DST: variants seen among roughly 807,000 people sequenced by gnomAD.
The protein encoded by DST is dystonin.
A neutral mutation model predicts 875.2 loss-of-function variants in DST; 253 were observed. The observed-to-expected ratio is 0.29, with a 90% confidence interval of 0.26 to 0.32. The LOEUF (loss-of-function observed/expected upper bound fraction) is 0.32. DST is among the 10% of genes least tolerant of loss of function. The probability of loss-of-function intolerance (pLI) is 1.00; values close to 1 mark genes in which losing one functional copy is unlikely to be tolerated. For synonymous variants in DST, 3,124 were observed against 3,197.1 expected (o/e 0.98, Z 0.77); for missense variants, 8,287 against 9,111.6 (o/e 0.91, Z 3.68).
At chr6:56,491,033 C>T (rs1051845910) in intron 85 of DST, among the ~76,000 whole-genome samples, 2 of 152,180 alleles carry the variant, frequency 1.3e-5, no homozygotes, top group African/African-American at 4.8e-5. Flanking sequence ...GCCGGCACTA[C>T]ACATGTTATT....
At chr6:56,814,096 A>G (rs999740041) in intron 4 of DST, among the ~76,000 whole-genome samples, 3 of 152,190 alleles carry the variant, frequency 2.0e-5, no homozygotes, top group Non-Finnish European at 4.4e-5. Context: ...AATAAAAACA[A>G]GAAAGCAGTA....
intron 90 of DST, 66 bp downstream of exon 90, chr6:56,481,984 C>A: frequency 6.6e-7 from 1 of 1,516,184 alleles, no homozygotes; most frequent in African/African-American, 1.4e-5. Context: ...TATTTGTAAT[C>A]CCGAGTCTAT....
At chr6:56,528,995 CAG>C in intron 66 of DST, 70 bp from the exon 67 acceptor site, 1 of 958,454 alleles carries the variant, frequency 1.0e-6, no homozygotes, top group Non-Finnish European at 1.6e-6. Flanking sequence ...TAGTTAATCT[CAG>C]AGAACTTTAA....
At chr6:56,916,778 T>TCTCTCTCTCTCTCACACACACA (rs1470233953) in intron 2 of DST, among the ~76,000 whole-genome samples, 2 of 91,352 alleles carry the variant, frequency 2.2e-5, no homozygotes, top group African/African-American at 1.0e-4. Context: ...TCTCTCTCTC[T>TCTCTCTCTCTCTCACACACACA]CACACACACA....
At chr6:56,921,062 A>C (rs919149995) in intron 2 of DST, among the ~76,000 whole-genome samples, 3 of 151,892 alleles carry the variant, frequency 2.0e-5, no homozygotes, top group Non-Finnish European at 4.4e-5. Context: ...GACATTTTTA[A>C]ACAAATAAAT....
intron 39 of DST, 58 bp from the exon 40 acceptor site, chr6:56,609,402 T>G: frequency 8.1e-7 from 1 of 1,240,840 alleles, no homozygotes; most frequent in Non-Finnish European, 1.1e-6. Context: ...GGGCGGAGTT[T>G]CATGCAACTT....
In DST at chr6:56,493,101, G is replaced by C; in HGVS notation, c.20395-12C>G. On this transcript the variant is annotated splice_polypyrimidine_tract_variant and intron_variant, in intron 83 of 103. Transcript: ENST00000680361. ...TCTTCCAGTTTAGTCTGCAAGGACA[G>C]ATTGTTTAGTATGTGATGTTTAAGG... 1 of 1,605,088 alleles carries C rather than the reference G, an allele frequency of 6.2e-7. No individual in the cohort carries two copies. The highest frequency in any genetic ancestry group is 8.5e-7 in the Non-Finnish European group (1 of 1,175,216).
At chr6:56,751,153 C>T (rs959513687) in intron 4 of DST, among the ~76,000 whole-genome samples, 3 of 152,064 alleles carry the variant, frequency 2.0e-5, no homozygotes, top group Non-Finnish European at 4.4e-5. Context: ...GCAAGTCATG[C>T]CTGTTAATAG....
chr6:56,684,761 C>T (rs900754477), intron 9 of DST, among the ~76,000 whole-genome samples: 8 of 152,206 alleles, frequency 5.3e-5, no homozygotes, highest in African/African-American at 1.9e-4. Flanking sequence ...AATGGCTGCA[C>T]ATAGATAGGT....
rs761390138 is a variant in DST at position 56,592,879 on chromosome 6, A to AT, written c.12727-522dup. Among the ~76,000 whole-genome samples, 700 of 149,320 alleles carry AT rather than the reference A, an allele frequency of 4.7e-3. 5 individuals carry two copies. Among genetic ancestry groups the AT allele is most frequent in the African/African-American group, 0.014 (585 of 40,846 alleles). On this transcript the variant is annotated intron_variant, in intron 48 of 103. Transcript: ENST00000680361. Reference sequence around the variant, plus strand: ...TACAAACCAGTAAATATTTTCTTAGATTTTTTTTTTTCAAAAAAAACCTTT... The same window carrying AT: ...TACAAACCAGTAAATATTTTCTTAGATTTTTTTTTTTTCAAAAAAAACCTTT...
chr6:56,667,828 T>TACAC (rs36046330), intron 10 of DST, among the ~76,000 whole-genome samples: 5,307 of 149,828 alleles, frequency 0.035, 306 homozygotes, highest in African/African-American at 0.12. Flanking sequence ...TATATATATA[T>TACAC]ACACACACAC....
intron 94 of DST, chr6:56,471,780 C>T: frequency 2.1e-6 from 1 of 469,934 alleles, no homozygotes. Flanking sequence ...AACATTATGT[C>T]AAGTTAGATT....
chr6:56,745,273 T>G (rs1229291900), intron 4 of DST, among the ~76,000 whole-genome samples: 1 of 152,236 alleles, frequency 6.6e-6, no homozygotes, highest in African/African-American at 2.4e-5. Flanking sequence ...AAGCCTACAG[T>G]TGGTCTCACA....
At chr6:56,812,772 T>C (rs531327581) in intron 4 of DST, among the ~76,000 whole-genome samples, 7 of 152,326 alleles carry the variant, frequency 4.6e-5, no homozygotes, top group African/African-American at 1.4e-4. Context: ...AGGAACACTT[T>C]TACACTGTTA....
At position 56,650,975 on chromosome 6, in the gene DST, T is replaced by C; in HGVS notation, c.1385A>G (p.Tyr462Cys). 1.2e-6 allele frequency: 2 copies of C among 1,613,474 alleles called. No homozygotes were observed. Among genetic ancestry groups the C allele is most frequent in the Non-Finnish European group, 1.7e-6 (2 of 1,179,524 alleles). Reference protein sequence around the residue: ...KSVITYVSSLYDAFPKVPEGG... With the variant: ...KSVITYVSSLCDAFPKVPEGG... ...TTCAGGGACTTTAGGAAATGCATCA[T>C]AGAGAGATGACACGTAAGTTATTAC... The change falls in exon 12 of 104, where the codon TAT becomes TGT. Residue 462 changes from tyrosine (Y) to cysteine (C), a missense_variant. Tyr to Cys is a radical substitution (Grantham distance 194). Transcript: ENST00000680361.
At chr6:56,563,309 G>A (rs1402968345) in intron 55 of DST, among the ~76,000 whole-genome samples, 1 of 152,142 alleles carries the variant, frequency 6.6e-6, no homozygotes, top group African/African-American at 2.4e-5. Context: ...CCTCATTGTG[G>A]TTTTGATCTG....
chr6:56,596,695 A>G (rs1450128110), intron 47 of DST, among the ~76,000 whole-genome samples: 1 of 152,190 alleles, frequency 6.6e-6, no homozygotes, highest in Non-Finnish European at 1.5e-5. Flanking sequence ...GATTCCAAAT[A>G]TGAAGGGTAG....
At chr6:56,741,977 T>C (rs1589473829) in intron 4 of DST, among the ~76,000 whole-genome samples, 1 of 152,190 alleles carries the variant, frequency 6.6e-6, no homozygotes, top group African/African-American at 2.4e-5. Context: ...AAAAGAGTAC[T>C]GATTATTACA....
chr6:56,891,565 CAAAAAAAAAA>C (rs531964301), intron 3 of DST, among the ~76,000 whole-genome samples: 2 of 62,678 alleles, frequency 3.2e-5, no homozygotes, highest in Non-Finnish European at 6.2e-5. Flanking sequence ...GACTCCGTCT[CAAAAAAAAAA>C]AAAAAAAAAA....
Sources: allele counts gnomAD v4.1 joint callset (sites outside exome capture counted in the v4.1 genomes callset), GRCh38; gene constraint gnomAD v4.1.1; transcripts MANE v1.5; gene names NCBI Gene and HGNC (gene_info 2026-07-23, HGNC 2026-07-21).